The following UGT2B28 variants were observed in gnomAD, a reference collection of about 807,000 sequenced individuals.
The protein encoded by UGT2B28 is UDP-glucuronosyltransferase 2B28.
In UGT2B28, 45 loss-of-function variants were observed where a neutral mutation model predicts 43.6. The ratio of observed to expected loss-of-function variants is 1.03; its 90% CI spans 0.81 to 1.32. The LOEUF (loss-of-function observed/expected upper bound fraction) is 1.32. Ranked by LOEUF, UGT2B28 falls within the 40% of genes most tolerant of loss-of-function variation. UGT2B28 has a pLI of 0.00. For synonymous variants in UGT2B28, 204 were observed against 208.1 expected (o/e 0.98, Z 0.17); for missense variants, 649 against 625.5 (o/e 1.04, Z -0.40).
rs181712720 is a variant in UGT2B28, at chr4:69,289,800, A to C, written c.1090+48A>C. 7.5e-5 allele frequency: 107 copies of C among 1,433,392 alleles called. 14 individuals carry two copies. The East Asian group carries it at 2.2e-3, about 30-fold the overall frequency. 88.8% of individuals were successfully genotyped at this position (1,433,392 alleles called of 1,614,324 possible). ...CTGGATATATTAGTAACTGCACATT[A>C]GAATGTTAATAGTTTATCTTGAAAC... On this transcript the variant is annotated intron_variant, in intron 4 of 5. Coordinates refer to ENST00000335568, the MANE Select transcript of UGT2B28 (RefSeq NM_053039.2).
Position 69,282,577 on chromosome 4 carries a change from G to A in UGT2B28, c.785G>A (p.Trp262Ter), listed in dbSNP as rs1424701460. 1 of 1,555,186 alleles carries A rather than the reference G, an allele frequency of 6.4e-7. No individual in the cohort carries two copies. The highest frequency in any genetic ancestry group is 8.7e-7 in the Non-Finnish European group (1 of 1,153,584). Residue 262 changes from tryptophan (W) to a stop codon, truncating the protein, a stop_gained, in exon 2 of 6, where the codon TGG (tryptophan) becomes TAG (stop). Transcript: ENST00000335568. LOFTEE classifies it high-confidence loss of function. ...KADIWLMRNS[W>*]SFQFPHPFLP... ...GACATATGGCTTATGCGAAACTCCTGGAGTTTTCAATTTCCTCATCCATTC... is the reference window on the plus strand; with the variant it reads ...GACATATGGCTTATGCGAAACTCCTAGAGTTTTCAATTTCCTCATCCATTC...
chr4:69,282,385 A>G (rs181717007), intron 1 of UGT2B28, 129 bp from the exon 2 acceptor site: 2 of 854,116 alleles, frequency 2.3e-6, no homozygotes, highest in Middle Eastern at 3.9e-4. Context: ...ACATGAATAT[A>G]TGTATATATT....
In UGT2B28 at chr4:69,284,764, G is replaced by A. The variant is rs764129042; in HGVS notation, c.871-1988G>A. Among the ~76,000 whole-genome samples the A allele has an allele frequency of 6.7e-4, 94 of 140,932 alleles. 7 individuals carry two copies. The Middle Eastern group carries it at 0.011, about 17-fold the overall frequency. The allele number at this position is 140,932 out of a possible 152,430, so 92.5% of individuals were successfully genotyped here. ...AACCAGTTATTTAACTGTTTATTAT[G>A]TAAAATAACTGCTAACACAGGTTGC... is the stretch of plus-strand genomic sequence containing the variant. On this transcript the variant is annotated intron_variant, in intron 2 of 5. Transcript: ENST00000335568.
intron 5 of UGT2B28, among the ~76,000 whole-genome samples, chr4:69,293,988 A>T (rs1165645815): frequency 7.1e-6 from 1 of 140,694 alleles, no homozygotes; most frequent in Admixed American, 7.1e-5. Flanking sequence ...CCTTTTTAGG[A>T]ACTTACAGAT....
At chr4:69,292,116 G>T (rs1235791772) in intron 5 of UGT2B28, among the ~76,000 whole-genome samples, 1 of 140,322 alleles carries the variant, frequency 7.1e-6, no homozygotes, top group Admixed American at 7.1e-5. Flanking sequence ...GGTCAAATCA[G>T]ATATATAATT....
intron 5 of UGT2B28, among the ~76,000 whole-genome samples, chr4:69,293,053 A>G (rs1279589777): frequency 7.1e-6 from 1 of 140,772 alleles, no homozygotes. Context: ...AGCAACCCAA[A>G]TATCTATTCA....
chr4:69,284,644 A>G (rs1268548962), intron 2 of UGT2B28, among the ~76,000 whole-genome samples: 1 of 140,274 alleles, frequency 7.1e-6, no homozygotes, highest in East Asian at 2.0e-4. Context: ...AAGGACAAGA[A>G]AAAAGGTTGA....
In UGT2B28 at chr4:69,287,024, G is replaced by A. The variant is rs1406362370; in HGVS notation, c.1002+141G>A. 19 of 1,371,142 alleles carry A rather than the reference G, an allele frequency of 1.4e-5. 4 individuals are homozygous for A. Among genetic ancestry groups the A allele is most frequent in the South Asian group, 3.1e-5 (2 of 64,518 alleles). The allele number at this position is 1,371,142 out of a possible 1,614,324, so 84.9% of individuals were successfully genotyped here. On this transcript the variant is annotated intron_variant, in intron 3 of 5. Transcript: ENST00000335568. The stretch of plus-strand genomic sequence containing the variant: ...TTAAATATCTTGTGTAGCTTCCACC[G>A]ACACAAGTCATAGTTGTGCCTCAGA...
At chr4:69,290,429 T>C (rs1233198800) in intron 4 of UGT2B28, among the ~76,000 whole-genome samples, 163 bp from the exon 5 acceptor site, 2 of 140,772 alleles carry the variant, frequency 1.4e-5, no homozygotes, top group African/African-American at 2.8e-5. Flanking sequence ...GAGACTTCAA[T>C]TACATCTCCT....
rs187168033 is a variant in UGT2B28 at position 69,292,134 on chromosome 4, A to T, written c.1310+1323A>T. Among the ~76,000 whole-genome samples, 4 of 140,818 alleles carry T rather than the reference A, an allele frequency of 2.8e-5. No homozygotes were observed. The East Asian group carries it at 8.1e-4, about 29-fold the overall frequency. 92.4% of individuals were successfully genotyped at this position (140,818 alleles called of 152,430 possible). On this transcript the variant is annotated intron_variant, in intron 5 of 5. Transcript: ENST00000335568. ...CAAATCAGATATATAATTTTTAAATATTTTGTCCCATTCTGGGTGCACTAA... is the reference window on the plus strand; with the variant it reads ...CAAATCAGATATATAATTTTTAAATTTTTTGTCCCATTCTGGGTGCACTAA...
chr4:69,291,739 CAG>C, intron 5 of UGT2B28, among the ~76,000 whole-genome samples: 1 of 138,286 alleles, frequency 7.2e-6, no homozygotes, highest in Admixed American at 7.2e-5. Context: ...TGGGTTGATG[CAG>C]AAGTGGAATT....
intron 2 of UGT2B28, among the ~76,000 whole-genome samples, chr4:69,286,268 T>A (rs1723771794): frequency 7.1e-6 from 1 of 141,786 alleles, no homozygotes; most frequent in Non-Finnish European, 1.5e-5. Context: ...TAGCTTTTCC[T>A]CAGTGCTCAT....
rs1205065223 is a variant in UGT2B28 at position 69,281,391 on chromosome 4, T to C, written c.721+170T>C. ...CACAAACATTATAGAAAAGCTTAAA[T>C]TATAAGGTCTGTTAAAACCCTGTGG... On this transcript the variant is annotated intron_variant, in intron 1 of 5. Transcript: ENST00000335568. Among the ~76,000 whole-genome samples the C allele has an allele frequency of 1.2e-4, 17 of 140,392 alleles. 3 individuals carry two copies. 92.1% of individuals were successfully genotyped at this position (140,392 alleles called of 152,430 possible).
chr4:69,285,171 A>G (rs1454497996), intron 2 of UGT2B28, among the ~76,000 whole-genome samples: 1 of 139,808 alleles, frequency 7.2e-6, no homozygotes, highest in Non-Finnish European at 1.5e-5. Flanking sequence ...ATAAGATTGA[A>G]ATTTTCTAAA....
Position 69,281,069 on chromosome 4 carries a change from C to T in UGT2B28, c.569C>T (p.Pro190Leu), listed in dbSNP as rs1723591761. ...IERHSGGLIFPPSYIPVVMSK... is the reference protein window; with the variant it reads ...IERHSGGLIFLPSYIPVVMSK... ...AGGCACAGTGGAGGACTGATTTTCC[C>T]TCCTTCCTACATACCTGTTGTTATG... The change falls in exon 1 of 6, where the codon CCT (proline) becomes CTT (leucine). Residue 190 changes from proline to leucine, a missense_variant. Physicochemically the swap from Pro to Leu is moderately conservative, Grantham distance 98. Transcript: ENST00000335568. 2 of 1,559,438 alleles carry T rather than the reference C, an allele frequency of 1.3e-6. No homozygotes were observed. Among genetic ancestry groups the T allele is most frequent in the Admixed American group, 3.6e-5 (2 of 56,214 alleles).
chr4:69,292,977 A>T (rs1404265993), intron 5 of UGT2B28, among the ~76,000 whole-genome samples: 1 of 140,688 alleles, frequency 7.1e-6, no homozygotes, highest in African/African-American at 2.8e-5. Context: ...ATACATAAAT[A>T]TATAAATCTA....
intron 3 of UGT2B28, 142 bp from the exon 4 acceptor site, chr4:69,289,523 G>A: frequency 1.4e-6 from 1 of 727,448 alleles, no homozygotes; most frequent in East Asian, 3.4e-5. Flanking sequence ...AAAATAAAAT[G>A]TGAGTATTGT....
At chr4:69,292,916 G>T (rs1372817546) in intron 5 of UGT2B28, among the ~76,000 whole-genome samples, 1 of 140,036 alleles carries the variant, frequency 7.1e-6, no homozygotes, top group Admixed American at 7.2e-5. Flanking sequence ...TCATAATTAT[G>T]CATGCACTTT....
In UGT2B28 at chr4:69,294,845, A is replaced by G. The variant is rs374462128; in HGVS notation, c.*36A>G. ...CATTTGAAGCTGGAAAACCAGATAGATGGGTTGACATCAGTTTATTCCAGC... is the reference window on the plus strand; with the variant it reads ...CATTTGAAGCTGGAAAACCAGATAGGTGGGTTGACATCAGTTTATTCCAGC... On this transcript the variant is annotated 3_prime_UTR_variant, in exon 6 of 6. Transcript: ENST00000335568. The G allele has an allele frequency of 2.6e-6, 4 of 1,517,860 alleles. No individual in the cohort carries two copies. Among genetic ancestry groups the G allele is most frequent in the Non-Finnish European group, 3.5e-6 (4 of 1,135,274 alleles). 94.0% of individuals were successfully genotyped at this position (1,517,860 alleles called of 1,614,324 possible). A position where few individuals can be genotyped will look rare whatever the true frequency, so the allele number is the denominator to read the frequency against.
Sources: gnomAD v4.1 joint callset for allele counts (sites outside exome capture counted in the v4.1 genomes callset) on GRCh38, gnomAD v4.1.1 for gene constraint, MANE v1.5 for transcripts, NCBI Gene and HGNC (gene_info 2026-07-23, HGNC 2026-07-21) for gene names.